MECOM: variants seen among roughly 807,000 people sequenced by gnomAD.
MECOM encodes the protein histone-lysine N-methyltransferase MECOM.
In MECOM, 13 loss-of-function variants were observed where a neutral mutation model predicts 116.3. That is an observed-to-expected ratio of 0.11 (90% CI 0.07 to 0.18). The LOEUF is 0.18. Among genes scored for constraint, MECOM ranks in the 10% least tolerant of loss-of-function variants. The probability of loss-of-function intolerance (pLI) is 1.00; values close to 1 mark genes in which losing one functional copy is unlikely to be tolerated. For synonymous variants in MECOM, 528 were observed against 535.2 expected, an observed-to-expected ratio of 0.99 and a Z score of 0.19; for missense variants, 1,299 against 1,509.0, an observed-to-expected ratio of 0.86 and a Z score of 2.31.
intron 1 of MECOM, among the ~76,000 whole-genome samples, chr3:169,456,762 C>T (rs79939620): frequency 1.3e-5 from 2 of 152,104 alleles, no homozygotes; most frequent in Non-Finnish European, 2.9e-5. Flanking sequence ...TGGTTATCTG[C>T]GACCCCTGTA....
chr3:169,349,838 C>G (rs1001260719), intron 2 of MECOM, among the ~76,000 whole-genome samples: 35 of 152,002 alleles, frequency 2.3e-4, no homozygotes, highest in African/African-American at 8.0e-4. Context: ...CCTATCAAGG[C>G]TTCAATCACA....
At chr3:169,105,495 TG>T (rs1725082288) in intron 10 of MECOM, among the ~76,000 whole-genome samples, 1 of 152,054 alleles carries the variant, frequency 6.6e-6, no homozygotes, top group Non-Finnish European at 1.5e-5. Flanking sequence ...TTGGAATAAA[TG>T]GAACAGAATC....
chr3:169,654,165 G>A (rs928728614), intron 1 of MECOM, among the ~76,000 whole-genome samples: 2 of 152,124 alleles, frequency 1.3e-5, no homozygotes, highest in Non-Finnish European at 2.9e-5. Context: ...ATATTATAAA[G>A]TGCTCAGTCA....
At chr3:169,324,708 A>G (rs911829473) in intron 2 of MECOM, among the ~76,000 whole-genome samples, 3 of 152,224 alleles carry the variant, frequency 2.0e-5, no homozygotes, top group African/African-American at 7.2e-5. Flanking sequence ...TACTGAGCAT[A>G]ACAGAAACTT....
intron 10 of MECOM, among the ~76,000 whole-genome samples, chr3:169,104,473 C>G (rs1724668469): frequency 6.6e-6 from 1 of 152,144 alleles, no homozygotes; most frequent in Non-Finnish European, 1.5e-5. Flanking sequence ...ATTAGTACTA[C>G]TAACAAGCAT....
At chr3:169,411,033 T>G (rs1578015192) in intron 1 of MECOM, among the ~76,000 whole-genome samples, 2 of 152,244 alleles carry the variant, frequency 1.3e-5, no homozygotes, top group South Asian at 4.1e-4. Flanking sequence ...CTTGTCTATC[T>G]CCATATGAAT....
chr3:169,488,154 A>G (rs1752626609), intron 1 of MECOM, among the ~76,000 whole-genome samples: 2 of 152,088 alleles, frequency 1.3e-5, no homozygotes, highest in Admixed American at 1.3e-4. Flanking sequence ...TAAAGACCCA[A>G]AGTTAGTAGA....
chr3:169,346,588 A>T (rs1725391683), intron 2 of MECOM, among the ~76,000 whole-genome samples: 1 of 151,978 alleles, frequency 6.6e-6, no homozygotes. Context: ...AAGTCATTTT[A>T]TGTCAGCAAG....
At chr3:169,307,485 C>T (rs1717939897) in intron 2 of MECOM, among the ~76,000 whole-genome samples, 1 of 152,020 alleles carries the variant, frequency 6.6e-6, no homozygotes, top group Non-Finnish European at 1.5e-5. Flanking sequence ...GAGAGGATTG[C>T]TTGAGCCCAG....
intron 1 of MECOM, among the ~76,000 whole-genome samples, chr3:169,544,781 A>T (rs968773938): frequency 2.0e-5 from 3 of 152,208 alleles, no homozygotes; most frequent in Admixed American, 2.0e-4. Context: ...CAGAAAACCA[A>T]ACACCACATG....
At chr3:169,342,877 G>T (rs1724769512) in intron 2 of MECOM, among the ~76,000 whole-genome samples, 1 of 152,262 alleles carries the variant, frequency 6.6e-6, no homozygotes, top group South Asian at 2.1e-4. Flanking sequence ...AGGAAGTGGG[G>T]ATTCGTCCAG....
At chr3:169,145,177 CACACACACACACAGAGAG>C in intron 2 of MECOM, 2 of 439,500 alleles carry the variant, frequency 4.6e-6, no homozygotes, top group Non-Finnish European at 7.7e-6. Context: ...CACACACACA[CACACACACACACAGAGAG>C]AAATCAAACT....
At chr3:169,118,554 A>G (rs527933211) in intron 7 of MECOM, among the ~76,000 whole-genome samples, 4 of 152,342 alleles carry the variant, frequency 2.6e-5, no homozygotes, top group Admixed American at 2.0e-4. Flanking sequence ...TACAAGCAAT[A>G]ACAATATTTT....
intron 1 of MECOM, among the ~76,000 whole-genome samples, chr3:169,596,644 C>T (rs1300576891): frequency 6.6e-6 from 1 of 152,034 alleles, no homozygotes; most frequent in Non-Finnish European, 1.5e-5. Flanking sequence ...TTACCGCTCA[C>T]CATACAGCAC....
intron 2 of MECOM, among the ~76,000 whole-genome samples, chr3:169,191,206 A>G (rs771241977): frequency 1.3e-5 from 2 of 151,976 alleles, no homozygotes; most frequent in South Asian, 2.1e-4. Flanking sequence ...CCTGTTATTT[A>G]TTGAGCTCCT....
intron 1 of MECOM, among the ~76,000 whole-genome samples, chr3:169,631,156 T>G (rs16854239): frequency 0.16 from 24,848 of 152,246 alleles, 2,279 homozygotes; most frequent in East Asian, 0.25. Flanking sequence ...CTCTTTTAAA[T>G]TGCTTTCATA....
At chr3:169,305,356 A>G (rs1717475255) in intron 2 of MECOM, among the ~76,000 whole-genome samples, 1 of 152,214 alleles carries the variant, frequency 6.6e-6, no homozygotes, top group Non-Finnish European at 1.5e-5. Context: ...AAGGAGAATG[A>G]TAATGTGCAT....
chr3:169,549,061 C>G (rs1211257863), intron 1 of MECOM, among the ~76,000 whole-genome samples: 1 of 151,572 alleles, frequency 6.6e-6, no homozygotes, highest in Non-Finnish European at 1.5e-5. Flanking sequence ...GCAACCTCCG[C>G]CTCCCGGGTT....
At chr3:169,316,943 A>G (rs545367178) in intron 2 of MECOM, among the ~76,000 whole-genome samples, 1 of 152,318 alleles carries the variant, frequency 6.6e-6, no homozygotes, top group African/African-American at 2.4e-5. Flanking sequence ...ACATCTGTCT[A>G]TCTTAGAATT....
Sources: allele counts gnomAD v4.1 joint callset (sites outside exome capture counted in the v4.1 genomes callset), GRCh38; gene constraint gnomAD v4.1.1; transcripts MANE v1.5; gene names NCBI Gene and HGNC (gene_info 2026-07-23, HGNC 2026-07-21).